Variants in CSNK2A2IP observed in about 807,000 individuals in gnomAD.
CSNK2A2IP encodes the protein casein kinase 2 subunit alpha' interacting protein.
the CSNK2A2IP span, among the ~76,000 whole-genome samples, chr3:88,386,678 T>TG: frequency 6.6e-6 from 1 of 152,114 alleles, no homozygotes; most frequent in Non-Finnish European, 1.5e-5. Flanking sequence ...TGGATGTTAT[T>TG]GGGGGGATAC....
chr3:88,448,268 A>G, the CSNK2A2IP span, among the ~76,000 whole-genome samples: 1 of 152,238 alleles, frequency 6.6e-6, no homozygotes, highest in Admixed American at 6.5e-5. Context: ...GCAAAGAGGA[A>G]CAAAGAGGCT....
chr3:88,462,114 C>CATATATATAT, the CSNK2A2IP span, among the ~76,000 whole-genome samples: 185 of 143,158 alleles, frequency 1.3e-3, no homozygotes, highest in African/African-American at 4.5e-3. Context: ...GAGTTTTTTT[C>CATATATATAT]ATATATATAT....
the CSNK2A2IP span, among the ~76,000 whole-genome samples, chr3:88,441,340 G>C: frequency 2.0e-5 from 3 of 152,060 alleles, no homozygotes; most frequent in African/African-American, 4.8e-5. Flanking sequence ...CTTCAGAGAG[G>C]AAAGTTTTAT....
the CSNK2A2IP span, among the ~76,000 whole-genome samples, chr3:88,355,001 C>T: frequency 6.6e-6 from 1 of 152,066 alleles, no homozygotes; most frequent in African/African-American, 2.4e-5. Flanking sequence ...GAACCAAGAA[C>T]CTTGGCTATC....
At chr3:88,461,531 C>A in the CSNK2A2IP span, among the ~76,000 whole-genome samples, 438 of 152,018 alleles carry the variant, frequency 2.9e-3, 2 homozygotes, top group African/African-American at 9.9e-3. Context: ...CCAGCCTGGG[C>A]GACAGAGCGA....
chr3:88,373,399 TAAAAG>T, the CSNK2A2IP span, among the ~76,000 whole-genome samples: 1 of 151,250 alleles, frequency 6.6e-6, no homozygotes, highest in African/African-American at 2.4e-5. Flanking sequence ...AAAGAAGAAA[TAAAAG>T]AAAATTCAAG....
chr3:88,390,276 GC>G, the CSNK2A2IP span, among the ~76,000 whole-genome samples: 6 of 152,124 alleles, frequency 3.9e-5, no homozygotes, highest in African/African-American at 1.4e-4. Context: ...CGTCCATGTA[GC>G]TTTTTTGGAT....
the CSNK2A2IP span, among the ~76,000 whole-genome samples, chr3:88,346,457 T>C: frequency 6.6e-6 from 1 of 151,972 alleles, no homozygotes; most frequent in Non-Finnish European, 1.5e-5. Flanking sequence ...TGACTCTTGT[T>C]AGAGGTGAAT....
At chr3:88,350,887 C>T in the CSNK2A2IP span, among the ~76,000 whole-genome samples, 1 of 152,116 alleles carries the variant, frequency 6.6e-6, no homozygotes, top group Non-Finnish European at 1.5e-5. Context: ...ACTTCACTTT[C>T]CCAACTCTCA....
At chr3:88,402,214 A>G in the CSNK2A2IP span, among the ~76,000 whole-genome samples, 1 of 152,122 alleles carries the variant, frequency 6.6e-6, no homozygotes, top group South Asian at 2.1e-4. Flanking sequence ...AATCTAAACA[A>G]TGTTATTTGA....
chr3:88,410,111 G>A, the CSNK2A2IP span, among the ~76,000 whole-genome samples: 2 of 152,020 alleles, frequency 1.3e-5, no homozygotes, highest in South Asian at 4.1e-4. Context: ...GTTACAAAAT[G>A]ACTAAAAACA....
chr3:88,431,348 C>T, the CSNK2A2IP span: 1 of 152,154 alleles, frequency 6.6e-6, no homozygotes, highest in Admixed American at 6.5e-5. Flanking sequence ...AGTGAGGTAA[C>T]TCAGGAATGG....
chr3:88,374,493 T>A, the CSNK2A2IP span, among the ~76,000 whole-genome samples: 3 of 151,352 alleles, frequency 2.0e-5, no homozygotes, highest in Non-Finnish European at 4.4e-5. Context: ...GAAGAGTAAA[T>A]ACTGATATGG....
the CSNK2A2IP span, among the ~76,000 whole-genome samples, chr3:88,429,267 G>C: frequency 1.3e-5 from 2 of 152,048 alleles, no homozygotes; most frequent in Non-Finnish European, 2.9e-5. Context: ...CAATGAGCTA[G>C]AGATGAGAAT....
chr3:88,460,948 G>A, the CSNK2A2IP span, among the ~76,000 whole-genome samples: 13 of 152,086 alleles, frequency 8.5e-5, no homozygotes, highest in South Asian at 2.7e-3. Context: ...TTAGCTGGGC[G>A]TGGTGGTGCA....
chr3:88,357,046 T>C, the CSNK2A2IP span, among the ~76,000 whole-genome samples: 2 of 152,168 alleles, frequency 1.3e-5, no homozygotes, highest in African/African-American at 4.8e-5. Context: ...AAATATTTTC[T>C]CCTGTTTTGT....
the CSNK2A2IP span, chr3:88,467,025 A>C: frequency 8.6e-7 from 1 of 1,166,494 alleles, no homozygotes; most frequent in East Asian, 3.2e-5. Flanking sequence ...TAGAGAAGAT[A>C]CAGCAGTTTT....
At chr3:88,367,010 C>T in the CSNK2A2IP span, among the ~76,000 whole-genome samples, 4 of 152,012 alleles carry the variant, frequency 2.6e-5, no homozygotes, top group Non-Finnish European at 5.9e-5. Flanking sequence ...GGGGAAACCG[C>T]CACCATGATT....
the CSNK2A2IP span, among the ~76,000 whole-genome samples, chr3:88,458,142 T>G: frequency 0.1 from 3,563 of 33,996 alleles, 145 homozygotes; most frequent in East Asian, 0.21. Context: ...GTAATTGTGG[T>G]TTTTTTTTTT....
Sources: allele counts gnomAD v4.1 joint callset (sites outside exome capture counted in the v4.1 genomes callset), GRCh38; gene constraint gnomAD v4.1.1; transcripts MANE v1.5; gene names NCBI Gene and HGNC (gene_info 2026-07-23, HGNC 2026-07-21).